Variants in RHOJ observed in about 807,000 individuals in gnomAD.
The protein encoded by RHOJ is ras homolog family member J.
A neutral mutation model predicts 23.4 loss-of-function variants in RHOJ; 11 were observed. That is an observed-to-expected ratio of 0.47 (90% CI 0.30 to 0.78). The LOEUF (loss-of-function observed/expected upper bound fraction) is 0.78, where lower values mean the gene tolerates loss of function less well. RHOJ is among the 30% of genes least tolerant of loss of function. The probability of loss-of-function intolerance (pLI) is 0.08; values close to 1 mark genes in which losing one functional copy is unlikely to be tolerated. For synonymous variants in RHOJ, 102 were observed against 102.7 expected (o/e 0.99, Z 0.04); for missense variants, 254 against 273.4 (o/e 0.93, Z 0.50).
In RHOJ at chr14:63,281,040, G is replaced by A. The variant is rs372613214; in HGVS notation, c.307G>A (p.Val103Ile). The change falls in exon 3 of 5, where the codon GTA becomes ATA. Residue 103 changes from valine to isoleucine, a missense_variant. Transcript: ENST00000316754. Reference protein sequence around the residue: ...TDVFLICFSVVNPASYHNVQE... With the variant: ...TDVFLICFSVINPASYHNVQE... ...TGTGTTTTTGATCTGCTTCTCTGTC[G>A]TAAACCCTGCCTCTTACCACAATGT... 10 of 1,614,100 alleles carry A rather than the reference G, an allele frequency of 6.2e-6. No homozygotes were observed. Among genetic ancestry groups the A allele is most frequent in the South Asian group, 1.1e-5 (1 of 91,066 alleles).
At chr14:63,267,867 T>C (rs1594772556) in intron 1 of RHOJ, among the ~76,000 whole-genome samples, 1 of 152,196 alleles carries the variant, frequency 6.6e-6, no homozygotes, top group African/African-American at 2.4e-5. Flanking sequence ...CTGAGTAGAT[T>C]ATAAAAATAG....
intron 1 of RHOJ, among the ~76,000 whole-genome samples, chr14:63,211,200 T>A (rs2883865): frequency 0.51 from 77,109 of 150,530 alleles, 21,225 homozygotes; most frequent in South Asian, 0.77. Context: ...GGGGAAAAAA[T>A]AACATAATTA....
intron 2 of RHOJ, among the ~76,000 whole-genome samples, chr14:63,277,966 A>AACACACACACATACACAC (rs1555348906): frequency 7.1e-6 from 1 of 141,408 alleles, no homozygotes; most frequent in African/African-American, 2.7e-5. Flanking sequence ...CAGCTACACA[A>AACACACACACATACACAC]ACACACACAC....
intron 1 of RHOJ, among the ~76,000 whole-genome samples, chr14:63,245,058 T>C (rs1017381276): frequency 6.6e-6 from 1 of 152,236 alleles, no homozygotes; most frequent in Non-Finnish European, 1.5e-5. Context: ...CATATCACTG[T>C]CTTTAACTGT....
At position 63,281,687 on chromosome 14, in the gene RHOJ, C is replaced by G. The variant is rs57924478; in HGVS notation, c.402+552C>G. On this transcript the variant is annotated intron_variant, in intron 3 of 4. Coordinates refer to ENST00000316754, the MANE Select transcript of RHOJ (RefSeq NM_020663.5). ...AGTTAAAACACATATACCAGCTAAA[C>G]AAACCTACGACTGTGAAAGCCTTTA... Among the ~76,000 whole-genome samples the G allele has an allele frequency of 4.0e-3, 607 of 152,286 alleles. 5 individuals are homozygous for G. Among genetic ancestry groups the G allele is most frequent in the African/African-American group, 0.014 (581 of 41,562 alleles).
intron 4 of RHOJ, among the ~76,000 whole-genome samples, chr14:63,290,228 C>T (rs975327247): frequency 3.3e-5 from 5 of 151,946 alleles, no homozygotes; most frequent in Non-Finnish European, 7.4e-5. Context: ...GCAACAAGAG[C>T]GAAATCCATC....
At chr14:63,241,280 G>T (rs1021811073) in intron 1 of RHOJ, among the ~76,000 whole-genome samples, 11 of 152,126 alleles carry the variant, frequency 7.2e-5, no homozygotes, top group Admixed American at 7.2e-4. Context: ...TAAGTTTTCT[G>T]GGAAAGCAGG....
chr14:63,222,796 G>A (rs1014713141), intron 1 of RHOJ, among the ~76,000 whole-genome samples: 3 of 152,212 alleles, frequency 2.0e-5, no homozygotes, highest in Non-Finnish European at 4.4e-5. Context: ...TCTGATGGTA[G>A]TTTCTTTTGC....
Position 63,292,323 on chromosome 14 carries a change from G to A in RHOJ, c.*1299G>A, listed in dbSNP as rs1882278981. 6.6e-6 allele frequency: 1 copy of A among 152,110 alleles called. No individual in the cohort carries two copies. The highest frequency in any genetic ancestry group is 1.5e-5 in the Non-Finnish European group (1 of 68,018). 9.4% of individuals were successfully genotyped at this position (152,110 alleles called of 1,614,324 possible). On this transcript the variant is annotated 3_prime_UTR_variant, in exon 5 of 5. Transcript: ENST00000316754. Reference sequence around the variant, plus strand: ...TCCACAATGTGTGACATAGAACAGGGACTTTGGCCCTGGGAAAGCAAAAGC... The same window carrying A: ...TCCACAATGTGTGACATAGAACAGGAACTTTGGCCCTGGGAAAGCAAAAGC...
Position 63,260,149 on chromosome 14 carries a change from C to T in RHOJ, c.179-8961C>T, listed in dbSNP as rs554763452. ...CTAATTTACTATGTTGTCTTTATAGCTCATATATTTCTTTCAGTTTACAAC... is the reference window on the plus strand; with the variant it reads ...CTAATTTACTATGTTGTCTTTATAGTTCATATATTTCTTTCAGTTTACAAC... On this transcript the variant is annotated intron_variant, in intron 1 of 4. Coordinates refer to ENST00000316754, the MANE Select transcript of RHOJ (RefSeq NM_020663.5). Among the ~76,000 whole-genome samples, 9 of 152,300 alleles carry T rather than the reference C, an allele frequency of 5.9e-5. 1 individual carries two copies. In the East Asian group the frequency reaches 1.3e-3, roughly 23 times the overall value.
chr14:63,283,104 G>A lies in RHOJ; in HGVS notation c.403-17G>A, dbSNP rs765727686. 67 of 1,593,132 alleles carry A rather than the reference G, an allele frequency of 4.2e-5. No individual in the cohort carries two copies. The highest frequency in any genetic ancestry group is 3.3e-5 in the Admixed American group (2 of 59,934). Reference sequence around the variant, plus strand: ...CCTGAGAAAACAAATAAGTTTTCACGTGTGTTTTCTTGCCAGATTGATCTC... The same window carrying A: ...CCTGAGAAAACAAATAAGTTTTCACATGTGTTTTCTTGCCAGATTGATCTC... On this transcript the variant is annotated splice_polypyrimidine_tract_variant and intron_variant, in intron 3 of 4. Transcript: ENST00000316754.
chr14:63,257,120 C>T (rs1472291119), intron 1 of RHOJ, among the ~76,000 whole-genome samples: 1 of 148,380 alleles, frequency 6.7e-6, no homozygotes, highest in Non-Finnish European at 1.5e-5. Context: ...TGCCTGTAGT[C>T]CCAGCTACTA....
chr14:63,262,606 G>A (rs57244247), intron 1 of RHOJ, among the ~76,000 whole-genome samples: 1 of 152,230 alleles, frequency 6.6e-6, no homozygotes, highest in Non-Finnish European at 1.5e-5. Flanking sequence ...GGTGATCTGA[G>A]ATTTTAGTCT....
intron 1 of RHOJ, among the ~76,000 whole-genome samples, chr14:63,267,649 A>G (rs1336398742): frequency 6.6e-6 from 1 of 152,246 alleles, no homozygotes; most frequent in Non-Finnish European, 1.5e-5. Flanking sequence ...AGGAAAAATT[A>G]AACAGGACAA....
At chr14:63,216,425 C>A (rs866708409) in intron 1 of RHOJ, among the ~76,000 whole-genome samples, 2 of 152,180 alleles carry the variant, frequency 1.3e-5, no homozygotes, top group African/African-American at 4.8e-5. Flanking sequence ...TGTAACTGTT[C>A]ATCTCTTAGA....
At chr14:63,205,662 A>G (rs756902242) in intron 1 of RHOJ, among the ~76,000 whole-genome samples, 2 of 152,250 alleles carry the variant, frequency 1.3e-5, no homozygotes, top group African/African-American at 4.8e-5. Context: ...ACATGTTTTT[A>G]AAAGGAAAAA....
chr14:63,231,559 A>T (rs1458314536), intron 1 of RHOJ, among the ~76,000 whole-genome samples: 1 of 152,242 alleles, frequency 6.6e-6, no homozygotes, highest in Non-Finnish European at 1.5e-5. Context: ...TGGTCAAAAG[A>T]TGTGATTTTA....
chr14:63,267,260 G>C, intron 1 of RHOJ, among the ~76,000 whole-genome samples: 1 of 152,192 alleles, frequency 6.6e-6, no homozygotes, highest in Non-Finnish European at 1.5e-5. Context: ...GGTGAGGCCC[G>C]AGGAAAAACA....
At chr14:63,224,900 C>A (rs1404607394) in intron 1 of RHOJ, among the ~76,000 whole-genome samples, 1 of 152,102 alleles carries the variant, frequency 6.6e-6, no homozygotes, top group Non-Finnish European at 1.5e-5. Context: ...TCAAGGAAAG[C>A]CACTTTTCTC....
Sources: allele counts gnomAD v4.1 joint callset (sites outside exome capture counted in the v4.1 genomes callset), GRCh38; gene constraint gnomAD v4.1.1; transcripts MANE v1.5; gene names NCBI Gene and HGNC (gene_info 2026-07-23, HGNC 2026-07-21).